POLD1: variants seen among roughly 807,000 people sequenced by gnomAD.
POLD1 encodes the protein DNA polymerase delta 1, catalytic subunit, also known as DNA polymerase delta catalytic subunit.
A neutral mutation model predicts 129.7 loss-of-function variants in POLD1; 79 were observed. The observed-to-expected ratio is 0.61, with a 90% CI of 0.51 to 0.73. The LOEUF is 0.73. POLD1 is among the 30% of genes least tolerant of loss of function. The pLI, the probability that POLD1 is intolerant of heterozygous loss-of-function variation, is 0.00. For synonymous variants in POLD1, 714 were observed against 683.3 expected (o/e 1.04, Z -0.70); for missense variants, 1,338 against 1,595.8 (o/e 0.84, Z 2.75).
intron 1 of POLD1, among the ~76,000 whole-genome samples, chr19:50,393,821 C>T (rs2038250038): frequency 1.3e-5 from 2 of 152,208 alleles, no homozygotes; most frequent in Non-Finnish European, 2.9e-5. Context: ...CCAGTGTGCA[C>T]TTTGCCTTCT....
chr19:50,395,571 G>A (rs1296614823), intron 1 of POLD1, among the ~76,000 whole-genome samples: 2 of 149,078 alleles, frequency 1.3e-5, no homozygotes, highest in South Asian at 2.1e-4. Context: ...GAGACAGAGC[G>A]AGACTCCGTC....
intron 1 of POLD1, chr19:50,394,975 C>T (rs2038294527): frequency 6.6e-6 from 1 of 151,106 alleles, no homozygotes; most frequent in African/African-American, 2.4e-5. Context: ...AGCTGGGGTT[C>T]CAGGTGTGCG....
In POLD1 at chr19:50,406,684, G is replaced by T. The variant is rs76452631; in HGVS notation, c.1494+167G>T. Reference sequence around the variant, plus strand: ...CACTTTTTCCTGACCTCTGACCCCAGATTTCTCTCCACTCCTGTGACCTCT... The same window carrying T: ...CACTTTTTCCTGACCTCTGACCCCATATTTCTCTCCACTCCTGTGACCTCT... On this transcript the variant is annotated intron_variant, in intron 12 of 26. Transcript: ENST00000440232. The surrounding 1 kb of genome is among the most constrained non-coding windows in gnomAD (Gnocchi z 5.5). 7.9e-5 allele frequency among the ~76,000 whole-genome samples: 12 copies of T among 152,138 alleles called. No homozygotes were observed. The East Asian group carries it at 2.3e-3, about 29-fold the overall frequency.
At chr19:50,398,659 G>A (rs1056305567) in intron 1 of POLD1, among the ~76,000 whole-genome samples, 192 bp from the exon 2 acceptor site, 7 of 151,532 alleles carry the variant, frequency 4.6e-5, no homozygotes, top group African/African-American at 9.7e-5. Context: ...GGCTGCTGCT[G>A]CAGTAGCTAA....
rs3219382 is a variant in POLD1, at chr19:50,403,373, C to G, written c.1138-120C>G. 3,889 of 1,103,022 alleles carry G rather than the reference C, an allele frequency of 3.5e-3. 159 individuals are homozygous for G. The Admixed American group carries it at 0.069, about 20-fold the overall frequency. 68.3% of individuals were successfully genotyped at this position (1,103,022 alleles called of 1,614,324 possible). On this transcript the variant is annotated intron_variant, in intron 9 of 26. Transcript: ENST00000440232. ...GGGCCCCTGTGCAATTAGGCTTGAG[C>G]ACTTCCCCTCTGGGTTCTGCAGGAT...
In POLD1 at chr19:50,401,354, T is replaced by TA. The variant is rs539031446; in HGVS notation, c.317-424_317-423insA. On this transcript the variant is annotated intron_variant, in intron 3 of 26. Transcript: ENST00000440232. ...TTTGTACATATAATATGTGTGTGTATTTGTGTATATGTGTATATATATATA... is the reference window on the plus strand; with the variant it reads ...TTTGTACATATAATATGTGTGTGTATATTGTGTATATGTGTATATATATATA... Among the ~76,000 whole-genome samples the TA allele has an allele frequency of 8.7e-3, 1,086 of 125,530 alleles. 2 individuals are homozygous for TA. The highest frequency in any genetic ancestry group is 0.019 in the African/African-American group (569 of 29,442). The allele number at this position is 125,530 out of a possible 152,430, so 82.4% of individuals were successfully genotyped here. A position where few individuals can be genotyped will look rare whatever the true frequency, so the allele number is the denominator to read the frequency against.
rs2122518509 is a variant in POLD1 at position 50,417,723 on chromosome 19, G to T, written c.3219-119G>T. 4.9e-6 allele frequency: 3 copies of T among 614,322 alleles called. No individual in the cohort carries two copies. In the South Asian group the frequency reaches 5.4e-5, roughly 11 times the overall value. 38.1% of individuals were successfully genotyped at this position (614,322 alleles called of 1,614,324 possible). A position where few individuals can be genotyped will look rare whatever the true frequency, so the allele number is the denominator to read the frequency against. On this transcript the variant is annotated intron_variant, in intron 26 of 26. Coordinates refer to ENST00000440232, the MANE Select transcript of POLD1 (RefSeq NM_002691.4). ...CTGAGCAAACAGCCCGCTGCGGGAG[G>T]GGGCGGGTGGGCTGGGCAGCAGGCG...
At chr19:50,416,322 G>T in intron 22 of POLD1, 74 bp from the exon 23 acceptor site, 3 of 1,495,754 alleles carry the variant, frequency 2.0e-6, no homozygotes, top group Non-Finnish European at 2.7e-6. Flanking sequence ...TAAGCCCCAG[G>T]CCCCATGACC....
At chr19:50,399,292 T>C (rs1361986893) in intron 2 of POLD1, 79 bp from the exon 3 acceptor site, 5 of 1,277,952 alleles carry the variant, frequency 3.9e-6, no homozygotes, top group Non-Finnish European at 5.6e-6. Flanking sequence ...TCTGCCTGGC[T>C]CCTTTCAGAA....
At chr19:50,410,613 G>A (rs1468494877) in intron 17 of POLD1, among the ~76,000 whole-genome samples, 5 of 150,788 alleles carry the variant, frequency 3.3e-5, no homozygotes, top group African/African-American at 1.0e-4. Flanking sequence ...AAAGAAAGAG[G>A]TGCACAGGGC....
intron 1 of POLD1, among the ~76,000 whole-genome samples, chr19:50,384,767 C>T (rs898097615): frequency 1.1e-4 from 16 of 152,200 alleles, no homozygotes; most frequent in Admixed American, 1.0e-3. Context: ...AAGTCCCTGT[C>T]TCGGGAAGAC....
chr19:50,384,841 C>T (rs1045063273), intron 1 of POLD1, among the ~76,000 whole-genome samples: 1 of 152,178 alleles, frequency 6.6e-6, no homozygotes, highest in Non-Finnish European at 1.5e-5. Flanking sequence ...CTGTGAGATG[C>T]TCTCAGAAGG....
At chr19:50,399,717 TGG>T (rs1348563935) in intron 3 of POLD1, among the ~76,000 whole-genome samples, 4 of 152,340 alleles carry the variant, frequency 2.6e-5, no homozygotes, top group African/African-American at 9.6e-5. Flanking sequence ...GGGAGGTGCT[TGG>T]AGCGTTGATC....
intron 17 of POLD1, among the ~76,000 whole-genome samples, chr19:50,410,416 C>T (rs2039050099): frequency 6.6e-6 from 1 of 152,104 alleles, no homozygotes; most frequent in South Asian, 2.1e-4. Flanking sequence ...TTTCACAGGG[C>T]TCTGGGTGGA....
chr19:50,415,676 C>G, intron 21 of POLD1, 48 bp from the exon 22 acceptor site: 1 of 1,460,672 alleles, frequency 6.8e-7, no homozygotes, highest in Non-Finnish European at 9.3e-7. Flanking sequence ...CGCCCCCACC[C>G]CCGCCACCCA....
chr19:50,395,584 CAA>C (rs536089528), intron 1 of POLD1, among the ~76,000 whole-genome samples: 3,565 of 125,408 alleles, frequency 0.028, 141 homozygotes, highest in African/African-American at 0.092. Flanking sequence ...ACTCCGTCTC[CAA>C]AAAAAAAAAA....
Position 50,406,891 on chromosome 19 carries a change from C to G in POLD1, c.1495-92C>G. The G allele has an allele frequency of 9.0e-7, 1 of 1,106,962 alleles. No homozygotes were observed. Among genetic ancestry groups the G allele is most frequent in the Non-Finnish European group, 1.3e-6 (1 of 772,668 alleles). The allele number at this position is 1,106,962 out of a possible 1,614,324, so 68.6% of individuals were successfully genotyped here. ...CCCGCCTCACCTCCCAGGCCCTCCC[C>G]AGGCTACCTCACCCTGACCCCCACT... On this transcript the variant is annotated intron_variant, in intron 12 of 26. Transcript: ENST00000440232. The surrounding 1 kb of genome is among the most constrained non-coding windows in gnomAD (Gnocchi z 5.5).
intron 1 of POLD1, among the ~76,000 whole-genome samples, chr19:50,386,376 A>T (rs1261818828): frequency 6.6e-6 from 1 of 151,400 alleles, no homozygotes; most frequent in Non-Finnish European, 1.5e-5. Context: ...GACCTCAAGT[A>T]ATCCTCCCAC....
chr19:50,417,445 C>T (rs1247136869), intron 26 of POLD1, among the ~76,000 whole-genome samples, 176 bp downstream of exon 26: 1 of 152,190 alleles, frequency 6.6e-6, no homozygotes, highest in Non-Finnish European at 1.5e-5. Flanking sequence ...GGGCCCATCC[C>T]AGCCCCCCAG....
Sources: gnomAD v4.1 joint callset for allele counts (sites outside exome capture counted in the v4.1 genomes callset) on GRCh38, gnomAD v4.1.1 for gene constraint, Gnocchi (gnomAD v3.1) non-coding constraint, MANE v1.5 for transcripts, NCBI Gene and HGNC (gene_info 2026-07-23, HGNC 2026-07-21) for gene names.